ABCB10: variants seen among roughly 807,000 people sequenced by gnomAD.
ABCB10 encodes ATP binding cassette subfamily B member 10.
A neutral mutation model predicts 65.4 loss-of-function variants in ABCB10; 54 were observed. The observed-to-expected ratio is 0.83, with a 90% CI of 0.66 to 1.04. The LOEUF (loss-of-function observed/expected upper bound fraction) is 1.04. Among genes scored for constraint, ABCB10 ranks in the 50% least tolerant of loss-of-function variants. ABCB10 has a pLI of 0.00. For synonymous variants in ABCB10, 418 were observed against 406.5 expected, an observed-to-expected ratio of 1.03 and a Z score of -0.34; for missense variants, 846 against 976.6, an observed-to-expected ratio of 0.87 and a Z score of 1.78.
intron 6 of ABCB10, among the ~76,000 whole-genome samples, chr1:229,538,096 GCAGA>G (rs1351333337): frequency 1.3e-5 from 2 of 152,198 alleles, no homozygotes; most frequent in African/African-American, 4.8e-5. Flanking sequence ...ATCTCTGCAC[GCAGA>G]CAAAGCCTTA....
At chr1:229,540,258 G>C (rs1662812671) in intron 5 of ABCB10, among the ~76,000 whole-genome samples, 1 of 152,090 alleles carries the variant, frequency 6.6e-6, no homozygotes, top group South Asian at 2.1e-4. Context: ...GAATGACCTG[G>C]AAGGCCTGTT....
At chr1:229,542,704 G>C (rs1662880117) in intron 3 of ABCB10, among the ~76,000 whole-genome samples, 2 of 151,210 alleles carry the variant, frequency 1.3e-5, no homozygotes, top group African/African-American at 4.9e-5. Flanking sequence ...TGGGGGTTTG[G>C]CAGAGGCCCA....
At position 229,530,374 on chromosome 1, in the gene ABCB10, AC is replaced by A; in HGVS notation, c.1469del (p.Gly490ValfsTer52). 6.2e-7 allele frequency: 1 copy of A among 1,614,164 alleles called. No homozygotes were observed. Among genetic ancestry groups the A allele is most frequent in the Non-Finnish European group, 8.5e-7 (1 of 1,180,038 alleles). ...AATGCACGTTCTTAAACTCCAAAGC[AC>A]CCTGGAAGCTTTTCTCATTTAAGAT... is the stretch of plus-strand genomic sequence containing the variant. The part of the protein sequence containing the change: ...GVILNEKSFQ[G>X]ALEFKNVHFA... On this transcript the variant is annotated frameshift_variant, in exon 8 of 13. Coordinates refer to ENST00000344517, the MANE Select transcript of ABCB10 (RefSeq NM_012089.3). LOFTEE classifies it high-confidence loss of function.
At chr1:229,529,884 T>C (rs1470500983) in intron 8 of ABCB10, among the ~76,000 whole-genome samples, 3 of 151,940 alleles carry the variant, frequency 2.0e-5, no homozygotes, top group African/African-American at 4.8e-5. Context: ...CACAGCCTCG[T>C]CCACCTGCTC....
intron 4 of ABCB10, among the ~76,000 whole-genome samples, chr1:229,540,953 T>G (rs1431471166): frequency 1.3e-5 from 2 of 151,724 alleles, no homozygotes; most frequent in Non-Finnish European, 2.9e-5. Flanking sequence ...CAAAAAAGAG[T>G]GACAAAGCAG....
intron 1 of ABCB10, among the ~76,000 whole-genome samples, chr1:229,552,596 G>A (rs903165898): frequency 6.6e-6 from 1 of 152,182 alleles, no homozygotes; most frequent in Non-Finnish European, 1.5e-5. Context: ...AGAGGTTGGG[G>A]GTGGTTGGAG....
intron 1 of ABCB10, among the ~76,000 whole-genome samples, chr1:229,551,054 T>C (rs79349686): frequency 0.021 from 3,178 of 152,224 alleles, 106 homozygotes; most frequent in African/African-American, 0.072. Flanking sequence ...GCTGGGATTG[T>C]GGGCATGAGC....
In ABCB10 at chr1:229,558,584, G is replaced by C; in HGVS notation, c.69C>G (p.Leu23=). Residue 23 remains leucine, a synonymous_variant, in exon 1 of 13, where the codon CTC becomes CTG. Coordinates refer to ENST00000344517, the MANE Select transcript of ABCB10 (RefSeq NM_012089.3). The stretch of plus-strand genomic sequence containing the variant: ...CGGCCCACACGCAGGCTACCGGCAG[G>C]AGCCGACCTGGCTCGGCAGGGCTCG... The part of the protein sequence containing the change: ...EPPSPAEPGR[L]LPVACVWAAA... The C allele has an allele frequency of 6.9e-7, 1 of 1,444,000 alleles. No individual in the cohort carries two copies. The highest frequency in any genetic ancestry group is 9.1e-7 in the Non-Finnish European group (1 of 1,100,840). The allele number at this position is 1,444,000 out of a possible 1,614,324, so 89.4% of individuals were successfully genotyped here.
chr1:229,557,421 G>A (rs994090900), intron 1 of ABCB10, among the ~76,000 whole-genome samples: 1 of 152,204 alleles, frequency 6.6e-6, no homozygotes, highest in African/African-American at 2.4e-5. Context: ...TATAGAAGGA[G>A]TGAAGATTTA....
At position 229,526,655 on chromosome 1, in the gene ABCB10, G is replaced by C. The variant is rs987134925; in HGVS notation, c.1726-539C>G. ...AATCACAAAGAGAGGTTCAGAAATG[G>C]GGGGAGGCTCAGGTTTGTATGCTGT... On this transcript the variant is annotated intron_variant, in intron 9 of 12. Coordinates refer to ENST00000344517, the MANE Select transcript of ABCB10 (RefSeq NM_012089.3). Among the ~76,000 whole-genome samples, 3 of 152,204 alleles carry C rather than the reference G, an allele frequency of 2.0e-5. No homozygotes were observed. In the East Asian group the frequency reaches 5.8e-4, roughly 29 times the overall value.
At chr1:229,548,835 G>C (rs1663030646) in intron 2 of ABCB10, among the ~76,000 whole-genome samples, 1 of 151,808 alleles carries the variant, frequency 6.6e-6, no homozygotes, top group Non-Finnish European at 1.5e-5. Flanking sequence ...GGTAATTTTT[G>C]TATTTCTAGT....
At chr1:229,533,564 C>T (rs1458717636) in intron 6 of ABCB10, among the ~76,000 whole-genome samples, 1 of 152,176 alleles carries the variant, frequency 6.6e-6, no homozygotes, top group Admixed American at 6.5e-5. Context: ...ATGCAAGATA[C>T]AATGGACTAA....
intron 10 of ABCB10, among the ~76,000 whole-genome samples, chr1:229,522,206 G>GT (rs933717139): frequency 6.7e-6 from 1 of 149,714 alleles, no homozygotes; most frequent in African/African-American, 2.5e-5. Flanking sequence ...CTCATTTAAT[G>GT]TTTTTATTTT....
At chr1:229,542,696 G>A (rs1412338662) in intron 3 of ABCB10, among the ~76,000 whole-genome samples, 1 of 151,180 alleles carries the variant, frequency 6.6e-6, no homozygotes, top group East Asian at 1.9e-4. Flanking sequence ...AGACAGGATG[G>A]GGGTTTGGCA....
chr1:229,526,166 A>C, intron 9 of ABCB10, 50 bp from the exon 10 acceptor site: 13 of 1,543,180 alleles, frequency 8.4e-6, no homozygotes, highest in Non-Finnish European at 1.1e-5. Flanking sequence ...GACTTAAAAC[A>C]TGTCTAATAA....
At chr1:229,519,177 A>G (rs1468631054) in intron 11 of ABCB10, 1 of 230,596 alleles carries the variant, frequency 4.3e-6, no homozygotes, top group Non-Finnish European at 8.4e-6. Flanking sequence ...GGTGATGAAA[A>G]TGTTTTCTAA....
At chr1:229,546,445 A>G (rs1662968713) in intron 3 of ABCB10, among the ~76,000 whole-genome samples, 1 of 152,170 alleles carries the variant, frequency 6.6e-6, no homozygotes, top group Non-Finnish European at 1.5e-5. Flanking sequence ...TCAGTGTCCC[A>G]ACCCCTGCAT....
At chr1:229,543,322 T>C (rs938147080) in intron 3 of ABCB10, among the ~76,000 whole-genome samples, 3 of 152,180 alleles carry the variant, frequency 2.0e-5, no homozygotes, top group African/African-American at 7.2e-5. Context: ...ACCTAACTTC[T>C]GGAAGTAAGT....
Position 229,525,924 on chromosome 1 carries a change from A to G in ABCB10, c.1906+12T>C, listed in dbSNP as rs1306639473. On this transcript the variant is annotated intron_variant, in intron 10 of 12. Coordinates refer to ENST00000344517, the MANE Select transcript of ABCB10 (RefSeq NM_012089.3). The stretch of plus-strand genomic sequence containing the variant: ...TATAGAGACTTTGCTACAAAGCAGT[A>G]AAGAAATGCACCTGAGAGGAGAACA... 2 of 1,600,040 alleles carry G rather than the reference A, an allele frequency of 1.2e-6. No homozygotes were observed. The highest frequency in any genetic ancestry group is 1.1e-5 in the South Asian group (1 of 88,728).
Sources: gnomAD v4.1 joint callset for allele counts (sites outside exome capture counted in the v4.1 genomes callset) on GRCh38, gnomAD v4.1.1 for gene constraint, MANE v1.5 for transcripts, NCBI Gene and HGNC (gene_info 2026-07-23, HGNC 2026-07-21) for gene names.